WDR72: variants seen among roughly 807,000 people sequenced by gnomAD.
WDR72 encodes WD repeat-containing protein 72.
In WDR72, 120 loss-of-function variants were observed where a neutral mutation model predicts 124.2. That is an observed-to-expected ratio of 0.97 (90% confidence interval 0.83 to 1.12). The LOEUF (loss-of-function observed/expected upper bound fraction) is 1.12, where lower values mean the gene tolerates loss of function less well. Among genes scored for constraint, WDR72 ranks in the 50% most tolerant of loss-of-function variants. WDR72 has a pLI of 0.00. For missense variants in WDR72, 1,387 were observed against 1,278.8 expected, an observed-to-expected ratio of 1.08 and a Z score of -1.29; for synonymous variants, 452 against 441.7, an observed-to-expected ratio of 1.02 and a Z score of -0.29.
chr15:53,719,533 T>C (rs28558902), intron 3 of WDR72, among the ~76,000 whole-genome samples: 9,006 of 152,220 alleles, frequency 0.059, 899 homozygotes, highest in African/African-American at 0.21. Context: ...CACACTTTCA[T>C]GTTCAATATG....
chr15:53,694,369 A>G (rs925905974), intron 13 of WDR72, among the ~76,000 whole-genome samples: 2 of 152,162 alleles, frequency 1.3e-5, no homozygotes, highest in African/African-American at 4.8e-5. Flanking sequence ...CTGCTATCAG[A>G]GTGCCAGCCA....
intron 18 of WDR72, among the ~76,000 whole-genome samples, chr15:53,543,388 A>G (rs1193665872): frequency 1.3e-5 from 2 of 152,238 alleles, no homozygotes; most frequent in East Asian, 1.9e-4. Context: ...CTGCTCCTGA[A>G]TGACTTCTGG....
At chr15:53,519,668 T>C (rs1891674482) in intron 19 of WDR72, among the ~76,000 whole-genome samples, 1 of 152,080 alleles carries the variant, frequency 6.6e-6, no homozygotes, top group African/African-American at 2.4e-5. Context: ...AGGAATGCTC[T>C]GGTCTAAAGG....
chr15:53,617,007 C>T (rs1266723753), intron 14 of WDR72, among the ~76,000 whole-genome samples: 3 of 151,824 alleles, frequency 2.0e-5, no homozygotes, highest in African/African-American at 7.2e-5. Flanking sequence ...TAGTTGCTTC[C>T]AGTGCCTACA....
intron 13 of WDR72, among the ~76,000 whole-genome samples, chr15:53,687,978 T>C (rs964635038): frequency 8.8e-5 from 13 of 147,320 alleles, no homozygotes; most frequent in African/African-American, 2.8e-4. Flanking sequence ...ATTATCTCAA[T>C]AGACGCAGAA....
intron 16 of WDR72, 62 bp from the exon 17 acceptor site, chr15:53,609,654 G>T: frequency 7.2e-7 from 1 of 1,386,754 alleles, no homozygotes; most frequent in Non-Finnish European, 1.0e-6. Flanking sequence ...TGGCTCTTAA[G>T]ATGGGCTGCA....
chr15:53,701,744 T>C (rs1180200942), intron 12 of WDR72, among the ~76,000 whole-genome samples: 2 of 152,160 alleles, frequency 1.3e-5, no homozygotes, highest in Non-Finnish European at 2.9e-5. Context: ...TTCTAATTTA[T>C]AGATTCCTAT....
chr15:53,597,424 T>A (rs1342039403), intron 17 of WDR72, 150 bp from the exon 18 acceptor site: 2 of 751,674 alleles, frequency 2.7e-6, no homozygotes, highest in Non-Finnish European at 4.2e-6. Flanking sequence ...CCACAACAAC[T>A]GAAATGTGGG....
chr15:53,599,717 G>A (rs1247056596), intron 17 of WDR72, among the ~76,000 whole-genome samples: 1 of 152,064 alleles, frequency 6.6e-6, no homozygotes, highest in Non-Finnish European at 1.5e-5. Flanking sequence ...GCCCACAACT[G>A]TGATCTAAAA....
At chr15:53,548,384 G>A (rs1274022924) in intron 18 of WDR72, among the ~76,000 whole-genome samples, 1 of 152,168 alleles carries the variant, frequency 6.6e-6, no homozygotes, top group Non-Finnish European at 1.5e-5. Flanking sequence ...GATGCAGCAG[G>A]GTTAGTTTCT....
At chr15:53,627,334 T>C (rs1350690935) in intron 14 of WDR72, among the ~76,000 whole-genome samples, 1 of 152,246 alleles carries the variant, frequency 6.6e-6, no homozygotes, top group Non-Finnish European at 1.5e-5. Context: ...CATTCACTAA[T>C]GAACTAGTCA....
chr15:53,545,796 T>A (rs1401488036), intron 18 of WDR72, among the ~76,000 whole-genome samples: 1 of 128,162 alleles, frequency 7.8e-6, no homozygotes, highest in African/African-American at 3.1e-5. Flanking sequence ...GAATCTACAA[T>A]GAACTCAAAC....
At chr15:53,578,649 T>C (rs899724000) in intron 18 of WDR72, among the ~76,000 whole-genome samples, 4 of 151,968 alleles carry the variant, frequency 2.6e-5, no homozygotes, top group Non-Finnish European at 1.5e-5. Flanking sequence ...CAAAGCTCAG[T>C]TGTAAATGAG....
chr15:53,719,521 C>A (rs1421271285), intron 3 of WDR72, among the ~76,000 whole-genome samples: 1 of 152,142 alleles, frequency 6.6e-6, no homozygotes, highest in Admixed American at 6.5e-5. Flanking sequence ...TTCAGGAGAT[C>A]ACACACTTTC....
rs74017415 is a variant in WDR72, at chr15:53,533,615, G to A, written c.3149-10293C>T. 7.2e-3 allele frequency among the ~76,000 whole-genome samples: 1,097 copies of A among 152,086 alleles called. 12 individuals carry two copies. Among genetic ancestry groups the A allele is most frequent in the African/African-American group, 0.026 (1,066 of 41,524 alleles). ...GCCTTTTGCAATATAATCTCAACTCGCATTTAGCGATTTCTCACTAGATGC... is the reference window on the plus strand; with the variant it reads ...GCCTTTTGCAATATAATCTCAACTCACATTTAGCGATTTCTCACTAGATGC... On this transcript the variant is annotated intron_variant, in intron 18 of 19. Coordinates refer to ENST00000360509, the MANE Select transcript of WDR72 (RefSeq NM_182758.4).
chr15:53,658,110 C>T (rs11639019), intron 14 of WDR72, among the ~76,000 whole-genome samples: 1 of 152,156 alleles, frequency 6.6e-6, no homozygotes, highest in Non-Finnish European at 1.5e-5. Context: ...GCAATAAAAA[C>T]TAAAAATCAA....
At chr15:53,674,556 G>A (rs951084027) in intron 13 of WDR72, among the ~76,000 whole-genome samples, 2 of 152,128 alleles carry the variant, frequency 1.3e-5, no homozygotes, top group Non-Finnish European at 2.9e-5. Context: ...AGAAAATAAT[G>A]GAAGGGTGGG....
intron 18 of WDR72, among the ~76,000 whole-genome samples, chr15:53,546,381 G>T (rs1893459636): frequency 6.6e-6 from 1 of 151,390 alleles, no homozygotes; most frequent in Non-Finnish European, 1.5e-5. Context: ...GGATGAAATT[G>T]GAAATCATCA....
At chr15:53,706,383 T>TATATAC in intron 9 of WDR72, among the ~76,000 whole-genome samples, 1 of 126,232 alleles carries the variant, frequency 7.9e-6, no homozygotes, top group African/African-American at 2.9e-5. Flanking sequence ...TATATATATA[T>TATATAC]ATATATATAT....
Sources: gnomAD v4.1 joint callset for allele counts (sites outside exome capture counted in the v4.1 genomes callset) on GRCh38, gnomAD v4.1.1 for gene constraint, MANE v1.5 for transcripts, NCBI Gene and HGNC (gene_info 2026-07-23, HGNC 2026-07-21) for gene names.